WWOX: variants seen among roughly 807,000 people sequenced by gnomAD.
WWOX encodes the protein WW domain containing oxidoreductase, also known as WW domain-containing oxidoreductase.
In WWOX, 69 loss-of-function variants were observed where a neutral mutation model predicts 46.2. The ratio of observed to expected loss-of-function variants is 1.49; its 90% CI spans 1.23 to 1.82. The LOEUF is 1.82. WWOX is among the 40% of genes most tolerant of loss of function. The pLI is 0.00. For missense variants in WWOX, 919 were observed against 542.6 expected (o/e 1.69, Z -6.89); for synonymous variants, 359 against 202.6 (o/e 1.77, Z -6.56).
At position 78,547,810 on chromosome 16, in the gene WWOX, A is replaced by G. The variant is rs1301761488; in HGVS notation, c.1056+115058A>G. Among the ~76,000 whole-genome samples the G allele has an allele frequency of 1.3e-5, 2 of 151,960 alleles. 1 individual carries two copies. The highest frequency in any genetic ancestry group is 2.9e-5 in the Non-Finnish European group (2 of 67,996). ...ATGAAGGCTTTGCCTCAATGACCTA[A>G]TCACCTCCCAAAGGCCCTACCTCCT... On this transcript the variant is annotated intron_variant, in intron 8 of 8. Coordinates refer to ENST00000566780, the MANE Select transcript of WWOX (RefSeq NM_016373.4).
intron 5 of WWOX, among the ~76,000 whole-genome samples, chr16:78,265,431 A>G (rs2079342048): frequency 6.6e-6 from 1 of 152,168 alleles, no homozygotes; most frequent in South Asian, 2.1e-4. Flanking sequence ...CTGTAATCCC[A>G]GCACTTTGGG....
At chr16:78,863,382 G>A (rs550430527) in intron 8 of WWOX, among the ~76,000 whole-genome samples, 3 of 152,290 alleles carry the variant, frequency 2.0e-5, no homozygotes, top group East Asian at 1.9e-4. Context: ...TATGGACCTT[G>A]ATGAATGGAC....
At chr16:79,111,158 A>C (rs977260011) in intron 8 of WWOX, among the ~76,000 whole-genome samples, 1 of 152,200 alleles carries the variant, frequency 6.6e-6, no homozygotes, top group Non-Finnish European at 1.5e-5. Flanking sequence ...TAAGTATTCC[A>C]CAAAGTTAGA....
At chr16:78,310,652 G>A (rs747516999) in intron 5 of WWOX, among the ~76,000 whole-genome samples, 9 of 152,184 alleles carry the variant, frequency 5.9e-5, no homozygotes, top group Non-Finnish European at 8.8e-5. Flanking sequence ...CAGCACATTT[G>A]GCATCTCTCT....
intron 8 of WWOX, among the ~76,000 whole-genome samples, chr16:78,853,722 C>T (rs934885334): frequency 3.9e-5 from 6 of 152,054 alleles, no homozygotes; most frequent in African/African-American, 1.2e-4. Flanking sequence ...GTGTAGTGGG[C>T]TTCCTGTTAT....
intron 8 of WWOX, among the ~76,000 whole-genome samples, chr16:78,452,159 C>G (rs1230125877): frequency 3.9e-5 from 6 of 152,106 alleles, no homozygotes. Context: ...TCTCTTAATA[C>G]CAGGCCAAAA....
intron 8 of WWOX, among the ~76,000 whole-genome samples, chr16:78,894,404 G>C (rs1361813193): frequency 6.6e-6 from 1 of 152,164 alleles, no homozygotes; most frequent in African/African-American, 2.4e-5. Flanking sequence ...GTAATGTTCA[G>C]TGATGCTTAA....
intron 1 of WWOX, among the ~76,000 whole-genome samples, chr16:78,105,851 G>A (rs1208324535): frequency 1.3e-5 from 2 of 152,076 alleles, no homozygotes; most frequent in African/African-American, 4.8e-5. Context: ...GCCCAGGCTG[G>A]ACTGCAGTGG....
At chr16:78,812,129 A>G (rs1371287597) in intron 8 of WWOX, among the ~76,000 whole-genome samples, 1 of 152,090 alleles carries the variant, frequency 6.6e-6, no homozygotes, top group African/African-American at 2.4e-5. Context: ...CAGAGACCAA[A>G]TACAGTAGGT....
intron 8 of WWOX, among the ~76,000 whole-genome samples, chr16:79,018,158 C>T (rs59107319): frequency 0.04 from 6,131 of 152,180 alleles, 234 homozygotes; most frequent in African/African-American, 0.089. Context: ...CGGTTAAACA[C>T]GGTACTGAAA....
rs535780273 is a variant in WWOX at position 78,996,321 on chromosome 16, C to T, written c.1057-215287C>T. ...TCTTGCCTTGTGGATGTTTTTCTACCGTGACAGAAGATAGAAAGGATGAAA... is the reference window on the plus strand; with the variant it reads ...TCTTGCCTTGTGGATGTTTTTCTACTGTGACAGAAGATAGAAAGGATGAAA... On this transcript the variant is annotated intron_variant, in intron 8 of 8. Transcript: ENST00000566780. The T allele has an allele frequency of 2.7e-5, 27 of 983,612 alleles. No individual in the cohort carries two copies. In the East Asian group the frequency reaches 3.4e-4, roughly 13 times the overall value. 60.9% of individuals were successfully genotyped at this position (983,612 alleles called of 1,614,324 possible).
intron 6 of WWOX, among the ~76,000 whole-genome samples, chr16:78,393,548 T>C (rs953238326): frequency 1.3e-5 from 2 of 152,130 alleles, no homozygotes; most frequent in Non-Finnish European, 2.9e-5. Context: ...CCTGATAAAA[T>C]AGAGAACTGA....
At chr16:78,459,401 G>T (rs1567585766) in intron 8 of WWOX, among the ~76,000 whole-genome samples, 1 of 152,198 alleles carries the variant, frequency 6.6e-6, no homozygotes. Context: ...TACAAGTGGA[G>T]CGTGATTTCA....
intron 8 of WWOX, among the ~76,000 whole-genome samples, chr16:79,010,903 A>T (rs913309578): frequency 6.6e-6 from 1 of 152,012 alleles, no homozygotes; most frequent in Non-Finnish European, 1.5e-5. Context: ...AGACGGGGTC[A>T]TGTTGTGTGG....
intron 5 of WWOX, chr16:78,179,659 C>G (rs1316926678): frequency 6.6e-6 from 1 of 152,174 alleles, no homozygotes; most frequent in Non-Finnish European, 1.5e-5. Context: ...TTCAGTTCAT[C>G]TTTATGACAA....
intron 8 of WWOX, among the ~76,000 whole-genome samples, chr16:78,787,335 T>TC (rs559442717): frequency 7.8e-4 from 119 of 152,174 alleles, no homozygotes; most frequent in Middle Eastern, 3.4e-3. Context: ...ATTTCCTCCT[T>TC]CCCCCAGCCC....
chr16:78,985,066 A>G (rs1004106588), intron 8 of WWOX, among the ~76,000 whole-genome samples: 6 of 152,164 alleles, frequency 3.9e-5, no homozygotes, highest in Admixed American at 3.9e-4. Flanking sequence ...GTCAGGAGCC[A>G]AGCTCTGGCC....
At chr16:78,123,423 TCTTTGTTTTTTGTTTTG>T in intron 4 of WWOX, 1 of 146,440 alleles carries the variant, frequency 6.8e-6, no homozygotes, top group African/African-American at 2.6e-5. Context: ...TATGTTTTTT[TCTTTGTTTTTTGTTTTG>T]TTTTTTTTTT....
intron 8 of WWOX, among the ~76,000 whole-genome samples, chr16:78,965,833 A>G (rs898783660): frequency 1.3e-5 from 2 of 152,092 alleles, no homozygotes; most frequent in African/African-American, 2.4e-5. Flanking sequence ...GTTTGATTCT[A>G]TTGTGGGCAC....
Sources: allele counts gnomAD v4.1 joint callset (sites outside exome capture counted in the v4.1 genomes callset), GRCh38; gene constraint gnomAD v4.1.1; transcripts MANE v1.5; gene names NCBI Gene and HGNC (gene_info 2026-07-23, HGNC 2026-07-21).